Variants in FAR1 observed in about 807,000 individuals in gnomAD.
FAR1 encodes the protein male sterility domain-containing protein 2.
In FAR1, 22 loss-of-function variants were observed where a neutral mutation model predicts 61.1. The observed-to-expected ratio is 0.36, with a 90% confidence interval of 0.26 to 0.51. FAR1 has a LOEUF of 0.51. Among genes scored for constraint, FAR1 ranks in the 20% least tolerant of loss-of-function variants. FAR1 has a pLI of 0.95. For missense variants in FAR1, 359 were observed against 626.9 expected, an observed-to-expected ratio of 0.57 and a Z score of 4.56; for synonymous variants, 206 against 209.7, an observed-to-expected ratio of 0.98 and a Z score of 0.15.
chr11:13,688,337 C>T (rs1423150431), intron 1 of FAR1, among the ~76,000 whole-genome samples: 2 of 151,994 alleles, frequency 1.3e-5, no homozygotes, highest in African/African-American at 2.4e-5. Flanking sequence ...CATTCTACAA[C>T]TCTCTTAGCA....
At chr11:13,722,352 T>C (rs1848618741) in intron 10 of FAR1, among the ~76,000 whole-genome samples, 1 of 152,186 alleles carries the variant, frequency 6.6e-6, no homozygotes, top group East Asian at 1.9e-4. Flanking sequence ...TTAAGCAATA[T>C]TTATAGCCTC....
chr11:13,712,938 T>C, intron 7 of FAR1, 28 bp from the exon 8 acceptor site: 1 of 1,599,746 alleles, frequency 6.3e-7, no homozygotes, highest in Non-Finnish European at 8.6e-7. Flanking sequence ...CTTATTATGA[T>C]TAATTGGTTT....
At chr11:13,709,525 C>T (rs1421091476) in intron 4 of FAR1, among the ~76,000 whole-genome samples, 6 of 152,060 alleles carry the variant, frequency 3.9e-5, no homozygotes. Context: ...AGAAATCTAG[C>T]TAACATAATT....
chr11:13,688,417 G>T (rs1219477695), intron 1 of FAR1, among the ~76,000 whole-genome samples: 6 of 152,092 alleles, frequency 3.9e-5, no homozygotes, highest in Admixed American at 6.5e-5. Context: ...GCTATTTGGT[G>T]GTGACAGATT....
chr11:13,718,950 G>A (rs1848581467), intron 9 of FAR1, among the ~76,000 whole-genome samples: 1 of 152,100 alleles, frequency 6.6e-6, no homozygotes, highest in East Asian at 1.9e-4. Flanking sequence ...GGCAGCCTCA[G>A]GGGGAGTTGG....
At position 13,728,763 on chromosome 11, in the gene FAR1, A is replaced by G. The variant is rs1242271843; in HGVS notation, c.1537A>G (p.Met513Val). The change falls in exon 12 of 12, where the codon ATG (methionine) becomes GTG (valine). Residue 513 changes from methionine (M) to valine (V), a missense_variant. Physicochemically the swap from Met to Val is conservative, Grantham distance 21. This residue lies in a region of FAR1 where 15 missense variants were observed against 56.5 expected (regional missense o/e 0.27). Coordinates refer to ENST00000354817, the MANE Select transcript of FAR1 (RefSeq NM_032228.6). ...FLSYFRASST[M>V]RY is the part of the protein sequence containing the mutation. ...GTCATACTTCCGAGCATCCAGCACT[A>G]TGAGATACTGAAGACCAAGGATTCA... 6.2e-7 allele frequency: 1 copy of G among 1,611,390 alleles called. No individual in the cohort carries two copies.
chr11:13,695,230 G>A (rs1336211051), intron 2 of FAR1, among the ~76,000 whole-genome samples: 2 of 151,660 alleles, frequency 1.3e-5, no homozygotes, highest in Non-Finnish European at 2.9e-5. Flanking sequence ...GAACATTTGA[G>A]GCAGGTTGTT....
chr11:13,705,250 T>C (rs1848419734), intron 3 of FAR1, among the ~76,000 whole-genome samples: 1 of 152,102 alleles, frequency 6.6e-6, no homozygotes, highest in South Asian at 2.1e-4. Context: ...CTAAATGACT[T>C]CTGATATAAC....
intron 3 of FAR1, among the ~76,000 whole-genome samples, chr11:13,702,965 T>G (rs1000080898): frequency 1.3e-5 from 2 of 152,240 alleles, no homozygotes; most frequent in Non-Finnish European, 1.5e-5. Flanking sequence ...GCAGAAGGCA[T>G]CTTATGTATT....
At chr11:13,713,264 T>A (rs1292142432) in intron 8 of FAR1, among the ~76,000 whole-genome samples, 2 of 145,612 alleles carry the variant, frequency 1.4e-5, no homozygotes, top group African/African-American at 5.0e-5. Flanking sequence ...CCTACCCTTG[T>A]CTAAGCCTTG....
At position 13,732,187 on chromosome 11, in the gene FAR1, G is replaced by GTGA. The variant is rs1848735173; in HGVS notation, c.*3415_*3417dup. 1 of 151,926 alleles carries GTGA rather than the reference G, an allele frequency of 6.6e-6. No homozygotes were observed. The highest frequency in any genetic ancestry group is 1.5e-5 in the Non-Finnish European group (1 of 67,982). The allele number at this position is 151,926 out of a possible 1,614,324, so 9.4% of individuals were successfully genotyped here. A position where few individuals can be genotyped will look rare whatever the true frequency, so the allele number is the denominator to read the frequency against. ...TATTTTTGTCTTGAAGCATTTTCTA[G>GTGA]TGATAGAATGTATTTGTCTTTTTTC... On this transcript the variant is annotated 3_prime_UTR_variant, in exon 12 of 12. Coordinates refer to ENST00000354817, the MANE Select transcript of FAR1 (RefSeq NM_032228.6).
intron 3 of FAR1, 121 bp from the exon 4 acceptor site, chr11:13,707,779 A>G (rs140874930): frequency 1.5e-5 from 8 of 550,462 alleles, no homozygotes; most frequent in Middle Eastern, 5.1e-4. Context: ...CAGCTAAAGG[A>G]TAAGTTGTAA....
At chr11:13,712,091 A>G in intron 7 of FAR1, 45 bp downstream of exon 7, 2 of 1,285,890 alleles carry the variant, frequency 1.6e-6, no homozygotes, top group Non-Finnish European at 2.3e-6. Flanking sequence ...TAGTAACTGA[A>G]AAGGGAAGAC....
chr11:13,720,552 A>G, intron 9 of FAR1: 1 of 151,952 alleles, frequency 6.6e-6, no homozygotes, highest in Admixed American at 6.6e-5. Flanking sequence ...TACATAGTTT[A>G]TATTGCTTCA....
At chr11:13,675,187 G>A (rs536876377) in intron 1 of FAR1, among the ~76,000 whole-genome samples, 4 of 152,008 alleles carry the variant, frequency 2.6e-5, no homozygotes, top group East Asian at 1.9e-4. Flanking sequence ...TTCTGGGCAC[G>A]AGAAATTAGA....
chr11:13,695,040 A>AT, intron 2 of FAR1, 86 bp downstream of exon 2: 1 of 1,111,624 alleles, frequency 9.0e-7, no homozygotes, highest in Non-Finnish European at 1.2e-6. Flanking sequence ...AGCTTGGTAT[A>AT]TTTCTTCAGT....
At chr11:13,727,709 G>C (rs776225769) in intron 11 of FAR1, 26 bp downstream of exon 11, 2 of 1,570,412 alleles carry the variant, frequency 1.3e-6, no homozygotes, top group African/African-American at 1.4e-5. Flanking sequence ...GGATTTGATT[G>C]CTTCTTGTCT....
At chr11:13,718,603 A>G (rs1297431027) in intron 9 of FAR1, among the ~76,000 whole-genome samples, 2 of 152,226 alleles carry the variant, frequency 1.3e-5, no homozygotes, top group Non-Finnish European at 2.9e-5. Flanking sequence ...TTATTATAGC[A>G]GCCCCTCCCA....
chr11:13,716,877 G>A (rs1848562848), intron 9 of FAR1, among the ~76,000 whole-genome samples: 1 of 151,652 alleles, frequency 6.6e-6, no homozygotes, highest in South Asian at 2.1e-4. Flanking sequence ...GTGCCATGTT[G>A]GTGTGCTGCA....
Sources: allele counts gnomAD v4.1 joint callset (sites outside exome capture counted in the v4.1 genomes callset), GRCh38; gene constraint gnomAD v4.1.1; regional missense constraint gnomAD v4.1.1; transcripts MANE v1.5; gene names NCBI Gene and HGNC (gene_info 2026-07-23, HGNC 2026-07-21).